The following DHX57 variants were observed in gnomAD, a reference collection of about 807,000 sequenced individuals.
DHX57 encodes the protein putative ATP-dependent RNA helicase DHX57.
A neutral mutation model predicts 156.2 loss-of-function variants in DHX57; 105 were observed. The observed-to-expected ratio is 0.67, with a 90% confidence interval of 0.57 to 0.79. The LOEUF is 0.79. DHX57 is among the 30% of genes least tolerant of loss of function. DHX57 has a pLI of 0.00. For missense variants in DHX57, 1,847 were observed against 1,661.9 expected (o/e 1.11, Z -1.94); for synonymous variants, 704 against 595.6 (o/e 1.18, Z -2.65).
intron 17 of DHX57, among the ~76,000 whole-genome samples, chr2:38,819,961 C>T (rs1670728582): frequency 6.6e-6 from 1 of 152,314 alleles, no homozygotes. Context: ...CACCACTTTA[C>T]ACATACCGAT....
rs776936370 is a variant in DHX57 at position 38,863,423 on chromosome 2, A to G, written c.321T>C (p.Asn107=). ...GGAGAAGAGCTTTCACTTTCTCTTG[A>G]TTCTCAGAAGTCATATGTAGAGTCT... ...PLQTLHMTSE[N]QEKVKALLRD... Residue 107 remains asparagine (N), a synonymous_variant, in exon 3 of 24, where the codon AAT becomes AAC. Transcript: ENST00000457308. 2 of 1,614,048 alleles carry G rather than the reference A, an allele frequency of 1.2e-6. No individual in the cohort carries two copies. Among genetic ancestry groups the G allele is most frequent in the East Asian group, 4.5e-5 (2 of 44,870 alleles).
At chr2:38,811,039 G>A in intron 21 of DHX57, 1 of 668,570 alleles carries the variant, frequency 1.5e-6, no homozygotes, top group Non-Finnish European at 2.8e-6. Flanking sequence ...CTTTGGCCAG[G>A]TCCTGAATCT....
At chr2:38,870,659 C>G (rs1483470784) in intron 1 of DHX57, among the ~76,000 whole-genome samples, 1 of 152,168 alleles carries the variant, frequency 6.6e-6, no homozygotes, top group Non-Finnish European at 1.5e-5. Flanking sequence ...GCGGGCAGAT[C>G]ACGAGGTCAG....
chr2:38,869,275 G>A (rs1196218115), intron 1 of DHX57, among the ~76,000 whole-genome samples: 7 of 152,202 alleles, frequency 4.6e-5, no homozygotes, highest in Non-Finnish European at 8.8e-5. Context: ...TTTTCCAAAG[G>A]ACTGACTCCA....
intron 3 of DHX57, 158 bp downstream of exon 3, chr2:38,863,199 GTGGC>G (rs1207372054): frequency 1.4e-6 from 1 of 736,854 alleles, no homozygotes; most frequent in Non-Finnish European, 2.1e-6. Context: ...CTCTAAAATT[GTGGC>G]TGAATAATTA....
At chr2:38,802,121 G>C (rs1266449984) in intron 23 of DHX57, among the ~76,000 whole-genome samples, 1 of 151,966 alleles carries the variant, frequency 6.6e-6, no homozygotes, top group Non-Finnish European at 1.5e-5. Context: ...CAATAAGGAA[G>C]GTCCAGCACC....
rs540028680 is a variant in DHX57 at position 38,865,150 on chromosome 2, T to G, written c.225-1631A>C. ...TTATTTTTTAACTAAAAATTTTTAT[T>G]GACACATAATAATTGTACATTCTTT... On this transcript the variant is annotated intron_variant, in intron 2 of 23. Transcript: ENST00000457308. Among the ~76,000 whole-genome samples the G allele has an allele frequency of 2.2e-4, 34 of 152,346 alleles. No homozygotes were observed. The South Asian group carries it at 7.0e-3, about 32-fold the overall frequency.
chr2:38,823,206 T>G lies in DHX57; in HGVS notation c.3078A>C (p.Glu1026Asp), dbSNP rs1670917702. 2 of 1,613,770 alleles carry G rather than the reference T, an allele frequency of 1.2e-6. No individual in the cohort carries two copies. Among genetic ancestry groups the G allele is most frequent in the African/African-American group, 2.7e-5 (2 of 74,802 alleles). Reference sequence around the variant, plus strand: ...CACGAAGAGAATCGGTGTGTGGAGGTTCAATGAGCCGAGAGAACACAGACT... The same window carrying G: ...CACGAAGAGAATCGGTGTGTGGAGGGTCAATGAGCCGAGAGAACACAGACT... Reference protein sequence around the residue: ...NLQSVFSRLIEPPHTDSLRAS... With the variant: ...NLQSVFSRLIDPPHTDSLRAS... Residue 1026 changes from glutamate (E) to aspartate (D), a missense_variant, in exon 17 of 24, where the codon GAA becomes GAC. Transcript: ENST00000457308.
At chr2:38,815,749 A>G in intron 19 of DHX57, 94 bp from the exon 20 acceptor site, 1 of 1,501,454 alleles carries the variant, frequency 6.7e-7, no homozygotes, top group Non-Finnish European at 9.1e-7. Flanking sequence ...GCATTATTTC[A>G]GGGGGTAGCA....
At chr2:38,859,219 T>C (rs1209523985) in intron 5 of DHX57, among the ~76,000 whole-genome samples, 1 of 152,232 alleles carries the variant, frequency 6.6e-6, no homozygotes, top group Admixed American at 6.5e-5. Context: ...TGTAGTGATA[T>C]GTGCTAGAAC....
intron 13 of DHX57, 28 bp from the exon 14 acceptor site, chr2:38,828,464 G>A: frequency 5.3e-6 from 8 of 1,520,624 alleles, no homozygotes; most frequent in Non-Finnish European, 7.2e-6. Context: ...ATCAATATGT[G>A]GGTAAGCATA....
rs1669760678 is a variant in DHX57, at chr2:38,802,909, G to A, written c.3823C>T (p.His1275Tyr). 6.2e-7 allele frequency: 1 copy of A among 1,614,022 alleles called. No homozygotes were observed. The highest frequency in any genetic ancestry group is 8.5e-7 in the Non-Finnish European group (1 of 1,179,994). Residue 1275 changes from histidine (H) to tyrosine (Y), a missense_variant, in exon 23 of 24, where the codon CAC becomes TAC. His to Tyr is a moderately conservative substitution (Grantham distance 83, BLOSUM62 2). Transcript: ENST00000457308. ...HPSSVNYQVR[H>Y]FDSPYLLYHE... ...TACAACAGGTAGGGGCTGTCAAAGT[G>A]TCTCACCTGTAACAAAAAACCTCAG...
intron 21 of DHX57, among the ~76,000 whole-genome samples, chr2:38,808,808 G>T (rs186703817): frequency 1.8e-4 from 28 of 152,192 alleles, no homozygotes; most frequent in Non-Finnish European, 3.7e-4. Flanking sequence ...ATTTTTGGTA[G>T]AGATGGGGTC....
intron 1 of DHX57, among the ~76,000 whole-genome samples, chr2:38,871,868 G>T (rs114201594): frequency 0.017 from 2,591 of 152,080 alleles, 41 homozygotes; most frequent in East Asian, 0.059. Context: ...CGCCGGCTAA[G>T]TTTTTGTTTT....
At chr2:38,847,452 AAAAC>A (rs771751824) in intron 10 of DHX57, among the ~76,000 whole-genome samples, 46 of 152,354 alleles carry the variant, frequency 3.0e-4, no homozygotes, top group Admixed American at 7.2e-4. Flanking sequence ...CCCTATAACT[AAAAC>A]AAACTGCACT....
intron 13 of DHX57, among the ~76,000 whole-genome samples, chr2:38,829,953 T>G (rs1209782516): frequency 1.3e-5 from 2 of 152,152 alleles, no homozygotes; most frequent in Non-Finnish European, 2.9e-5. Context: ...AAAATAAGCA[T>G]GAAAACTGAT....
rs1673325626 is a variant in DHX57 at position 38,863,167 on chromosome 2, T to C, written c.383+194A>G. 5.2e-6 allele frequency: 3 copies of C among 580,056 alleles called. No individual in the cohort carries two copies. In the Admixed American group the frequency reaches 1.0e-4, roughly 20 times the overall value. 35.9% of individuals were successfully genotyped at this position (580,056 alleles called of 1,614,324 possible). ...AAATAAAGATAAAAAGGCAATCCCA[T>C]GGATGTTGCAAAACAAACTCACTCT... On this transcript the variant is annotated intron_variant, in intron 3 of 23. Transcript: ENST00000457308.
chr2:38,818,837 C>T, intron 19 of DHX57, 40 bp downstream of exon 19: 3 of 1,608,018 alleles, frequency 1.9e-6, no homozygotes, highest in African/African-American at 1.3e-5. Context: ...GTGAGCTACT[C>T]TAATAAAAAA....
At chr2:38,835,782 C>T (rs1210294266) in intron 13 of DHX57, among the ~76,000 whole-genome samples, 1 of 152,168 alleles carries the variant, frequency 6.6e-6, no homozygotes, top group African/African-American at 2.4e-5. Context: ...AAACGATAAA[C>T]TGATGCTGGA....
Sources: gnomAD v4.1 joint callset for allele counts (sites outside exome capture counted in the v4.1 genomes callset) on GRCh38, gnomAD v4.1.1 for gene constraint, MANE v1.5 for transcripts, NCBI Gene and HGNC (gene_info 2026-07-23, HGNC 2026-07-21) for gene names.